Variants in OTOGL observed in about 807,000 individuals in gnomAD.
OTOGL encodes otogelin-like protein.
OTOGL carries 285 observed loss-of-function variants against 318.5 expected under a neutral mutation model. That is an observed-to-expected ratio of 0.89 (90% confidence interval 0.81 to 0.99). OTOGL has a LOEUF of 0.99. Ranked by LOEUF, OTOGL falls within the 50% of genes least tolerant of loss-of-function variation. OTOGL has a pLI of 0.00. For synonymous variants in OTOGL, 987 were observed against 936.5 expected, an observed-to-expected ratio of 1.05 and a Z score of -0.99; for missense variants, 2,899 against 2,845.6, an observed-to-expected ratio of 1.02 and a Z score of -0.43.
intron 30 of OTOGL, among the ~76,000 whole-genome samples, chr12:80,312,468 T>A (rs1293232885): frequency 1.3e-5 from 2 of 152,248 alleles, no homozygotes; most frequent in African/African-American, 4.8e-5. Context: ...TTTTAATGTC[T>A]AATAGAGTAA....
intron 1 of OTOGL, among the ~76,000 whole-genome samples, chr12:80,207,264 C>T (rs1314232763): frequency 2.0e-5 from 3 of 152,028 alleles, no homozygotes; most frequent in Non-Finnish European, 4.4e-5. Flanking sequence ...TGCAATGGCA[C>T]GATCTCTGCT....
Position 80,279,129 on chromosome 12 carries a change from A to G in OTOGL, c.2891A>G (p.Tyr964Cys). 5 of 1,594,950 alleles carry G rather than the reference A, an allele frequency of 3.1e-6. No individual in the cohort carries two copies. Among genetic ancestry groups the G allele is most frequent in the Non-Finnish European group, 4.2e-6 (5 of 1,176,592 alleles). The change falls in exon 26 of 59, where the codon TAT (tyrosine) becomes TGT (cysteine). Residue 964 changes from tyrosine (Y) to cysteine (C), a missense_variant. Around this residue, in one of 3 missense-constraint regions of OTOGL, gnomAD observed 2,607 missense variants for 2,524.9 expected, o/e 1.03. Coordinates refer to ENST00000547103, the MANE Select transcript of OTOGL (RefSeq NM_001378609.3). ...RHYYSFDGLE[Y>C]DYISDCQVFL... The stretch of plus-strand genomic sequence containing the variant: ...TATTATTCTTTTGATGGACTAGAAT[A>G]TGACTATATCAGTGATTGCCAGGTG...
rs57583762 is a variant in OTOGL, at chr12:80,131,817, C to A, written c.-20+32212C>A. The A allele has an allele frequency of 4.7e-3, 722 of 152,194 alleles. 5 individuals carry two copies. Among genetic ancestry groups the A allele is most frequent in the African/African-American group, 0.017 (688 of 41,526 alleles). 9.4% of individuals were successfully genotyped at this position (152,194 alleles called of 1,614,324 possible). On this transcript the variant is annotated intron_variant, in intron 1 of 58. Coordinates refer to ENST00000547103, the MANE Select transcript of OTOGL (RefSeq NM_001378609.3). ...TTCTTGCAGATATGAGTACTATTGGCTAGAGAAGTTTAGTAACTTTCCTGA... is the reference window on the plus strand; with the variant it reads ...TTCTTGCAGATATGAGTACTATTGGATAGAGAAGTTTAGTAACTTTCCTGA...
chr12:80,134,722 G>A (rs1200556532), intron 1 of OTOGL, among the ~76,000 whole-genome samples: 1 of 152,090 alleles, frequency 6.6e-6, no homozygotes, highest in East Asian at 1.9e-4. Flanking sequence ...AAAGCTTACA[G>A]CATCTTCACT....
At chr12:80,117,132 A>T (rs1303999534) in intron 1 of OTOGL, among the ~76,000 whole-genome samples, 1 of 152,118 alleles carries the variant, frequency 6.6e-6, no homozygotes, top group Non-Finnish European at 1.5e-5. Flanking sequence ...TCAAGAGACA[A>T]ATGGGGCCTG....
intron 9 of OTOGL, among the ~76,000 whole-genome samples, chr12:80,233,734 A>G (rs1223502325): frequency 1.3e-5 from 2 of 152,200 alleles, no homozygotes; most frequent in African/African-American, 2.4e-5. Context: ...ACAAACCATA[A>G]TCATGACTTA....
At chr12:80,218,682 A>G (rs1378733485) in intron 5 of OTOGL, among the ~76,000 whole-genome samples, 1 of 151,848 alleles carries the variant, frequency 6.6e-6, no homozygotes, top group Non-Finnish European at 1.5e-5. Flanking sequence ...CTGTTGGAAC[A>G]ATTTTATAAC....
At chr12:80,142,712 T>G (rs1333450014) in intron 1 of OTOGL, among the ~76,000 whole-genome samples, 1 of 152,162 alleles carries the variant, frequency 6.6e-6, no homozygotes, top group Non-Finnish European at 1.5e-5. Context: ...CTATCCCCAC[T>G]GCTTTGGTTG....
At chr12:80,140,841 G>C (rs1035827750) in intron 1 of OTOGL, among the ~76,000 whole-genome samples, 1 of 152,070 alleles carries the variant, frequency 6.6e-6, no homozygotes, top group Non-Finnish European at 1.5e-5. Flanking sequence ...AGAAGAACTG[G>C]TATCTTTGTA....
chr12:80,104,649 G>A (rs918217728), intron 1 of OTOGL, among the ~76,000 whole-genome samples: 1 of 152,070 alleles, frequency 6.6e-6, no homozygotes, highest in Admixed American at 6.6e-5. Flanking sequence ...GGGTGGGAGA[G>A]AGCTGCCTAG....
chr12:80,253,394 A>T, intron 13 of OTOGL, 72 bp from the exon 14 acceptor site: 1 of 1,394,694 alleles, frequency 7.2e-7, no homozygotes, highest in Non-Finnish European at 1.0e-6. Flanking sequence ...AAGTTGGTTG[A>T]ATTATTATAT....
chr12:80,267,304 C>T lies in OTOGL; in HGVS notation c.2442C>T (p.Leu814=). Residue 814 remains leucine, a synonymous_variant, in exon 22 of 59, where the codon CTC becomes CTT. Transcript: ENST00000547103. ...YRGSVYQPGE[L]IPTPSGLCQC... ...GCAGTGTTTATCAACCTGGAGAGCT[C>T]ATCCCCACACCCTCGGGCTTATGGT... is the stretch of plus-strand genomic sequence containing the variant. The T allele has an allele frequency of 1.3e-6, 2 of 1,554,238 alleles. No individual in the cohort carries two copies. The highest frequency in any genetic ancestry group is 1.2e-5 in the South Asian group (1 of 86,094).
At chr12:80,184,321 C>T (rs74108544) in intron 1 of OTOGL, among the ~76,000 whole-genome samples, 3,237 of 152,288 alleles carry the variant, frequency 0.021, 101 homozygotes, top group African/African-American at 0.074. Flanking sequence ...TTAGTGTTAA[C>T]ACATCACTTT....
intron 24 of OTOGL, among the ~76,000 whole-genome samples, chr12:80,274,203 C>A (rs1883624417): frequency 6.6e-6 from 1 of 152,036 alleles, no homozygotes; most frequent in Non-Finnish European, 1.5e-5. Context: ...AGATGGGCTA[C>A]AAGCTAGTCC....
intron 26 of OTOGL, among the ~76,000 whole-genome samples, chr12:80,281,859 TG>T (rs1197705230): frequency 6.6e-6 from 1 of 151,864 alleles, no homozygotes. Flanking sequence ...TGATATAAAG[TG>T]AGAGTTCAAT....
chr12:80,306,952 G>A (rs947160817), intron 29 of OTOGL, among the ~76,000 whole-genome samples: 6 of 148,774 alleles, frequency 4.0e-5, no homozygotes, highest in Admixed American at 6.6e-5. Context: ...AGGACCCTGC[G>A]GCCTTTCCGC....
intron 2 of OTOGL, 23 bp from the exon 3 acceptor site, chr12:80,210,824 T>C (rs976995410): frequency 1.4e-6 from 2 of 1,409,346 alleles, no homozygotes; most frequent in Non-Finnish European, 1.9e-6. Context: ...TTTTTTTCAT[T>C]CTTATATATT....
At chr12:80,283,416 ATG>A (rs1884380413) in intron 26 of OTOGL, among the ~76,000 whole-genome samples, 1 of 151,854 alleles carries the variant, frequency 6.6e-6, no homozygotes, top group African/African-American at 2.4e-5. Context: ...CCTCAAAGTC[ATG>A]TGTTCAGCTC....
intron 1 of OTOGL, among the ~76,000 whole-genome samples, chr12:80,152,859 A>G (rs534598406): frequency 9.2e-5 from 14 of 152,092 alleles, no homozygotes; most frequent in African/African-American, 3.1e-4. Flanking sequence ...ACACCTGGCT[A>G]ATTTTTGTAT....
Sources: allele counts gnomAD v4.1 joint callset (sites outside exome capture counted in the v4.1 genomes callset), GRCh38; gene constraint gnomAD v4.1.1; regional missense constraint gnomAD v4.1.1; transcripts MANE v1.5; gene names NCBI Gene and HGNC (gene_info 2026-07-23, HGNC 2026-07-21).